SLC24A3: variants seen among roughly 807,000 people sequenced by gnomAD.
SLC24A3 encodes the protein sodium/potassium/calcium exchanger 3.
Under a neutral mutation model 75.8 loss-of-function variants are expected in SLC24A3, and 28 were observed. That is an observed-to-expected ratio of 0.37 (90% CI 0.27 to 0.51). SLC24A3 has a LOEUF of 0.51. SLC24A3 is among the 20% of genes least tolerant of loss of function. The pLI, the probability that SLC24A3 is intolerant of heterozygous loss-of-function variation, is 0.94. For missense variants in SLC24A3, 663 were observed against 847.8 expected (o/e 0.78, Z 2.71); for synonymous variants, 372 against 334.1 (o/e 1.11, Z -1.24).
At chr20:19,468,880 G>A (rs1258485622) in intron 2 of SLC24A3, among the ~76,000 whole-genome samples, 1 of 152,144 alleles carries the variant, frequency 6.6e-6, no homozygotes, top group African/African-American at 2.4e-5. Context: ...ATAGACAATG[G>A]GATCTTGTGG....
intron 2 of SLC24A3, among the ~76,000 whole-genome samples, chr20:19,505,600 T>C (rs546291231): frequency 4.7e-4 from 72 of 152,294 alleles, no homozygotes; most frequent in South Asian, 1.9e-3. Context: ...ATAGGCATGT[T>C]ACCACCGTGA....
chr20:19,652,447 G>T (rs961919396), intron 6 of SLC24A3, among the ~76,000 whole-genome samples: 1 of 152,206 alleles, frequency 6.6e-6, no homozygotes, highest in African/African-American at 2.4e-5. Flanking sequence ...AATGGTGAGT[G>T]ATGACCACAG....
chr20:19,446,098 C>T (rs1987378645), intron 2 of SLC24A3, among the ~76,000 whole-genome samples: 1 of 152,136 alleles, frequency 6.6e-6, no homozygotes, highest in African/African-American at 2.4e-5. Context: ...CTCATCTGCC[C>T]AGGACCCCAA....
intron 1 of SLC24A3, among the ~76,000 whole-genome samples, chr20:19,249,488 C>G (rs1982589272): frequency 6.6e-6 from 1 of 152,170 alleles, no homozygotes; most frequent in Non-Finnish European, 1.5e-5. Context: ...TGTCAACATC[C>G]CCACGGTCAG....
chr20:19,708,702 G>A lies in SLC24A3; in HGVS notation c.1720-8826G>A, dbSNP rs1351392024. On this transcript the variant is annotated intron_variant, in intron 15 of 16. Coordinates refer to ENST00000328041, the MANE Select transcript of SLC24A3 (RefSeq NM_020689.4). ...GGGTCTCCTACAAACTATCCCCACA[G>A]GACCTAGATAGGTAACTTGGGGATA... Among the ~76,000 whole-genome samples the A allele has an allele frequency of 3.3e-5, 5 of 152,190 alleles. No homozygotes were observed. In the East Asian group the frequency reaches 9.6e-4, roughly 29 times the overall value.
chr20:19,537,042 A>C (rs1176595294), intron 3 of SLC24A3, among the ~76,000 whole-genome samples: 1 of 152,220 alleles, frequency 6.6e-6, no homozygotes. Flanking sequence ...TAATTAAACT[A>C]AAGAGCTTCT....
At chr20:19,417,789 C>T (rs1480838671) in intron 2 of SLC24A3, among the ~76,000 whole-genome samples, 4 of 152,216 alleles carry the variant, frequency 2.6e-5, no homozygotes, top group East Asian at 1.9e-4. Flanking sequence ...AGGCATCAGC[C>T]GAGGTGAGGA....
intron 15 of SLC24A3, 131 bp from the exon 16 acceptor site, chr20:19,717,397 C>A: frequency 1.2e-6 from 1 of 830,646 alleles, no homozygotes; most frequent in South Asian, 1.7e-5. Flanking sequence ...GAAGCTGTTG[C>A]TTTTTCATTC....
chr20:19,289,753 A>G (rs1983896147), intron 2 of SLC24A3, among the ~76,000 whole-genome samples: 1 of 152,110 alleles, frequency 6.6e-6, no homozygotes, highest in Non-Finnish European at 1.5e-5. Context: ...CCCACTCCTC[A>G]ATCATTTCTG....
At chr20:19,365,667 C>T (rs182546432) in intron 2 of SLC24A3, among the ~76,000 whole-genome samples, 1 of 152,268 alleles carries the variant, frequency 6.6e-6, no homozygotes, top group Admixed American at 6.5e-5. Flanking sequence ...TTTGTTCACA[C>T]TTTACGTAAG....
chr20:19,281,136 A>T (rs779827115), intron 2 of SLC24A3, 49 bp downstream of exon 2: 1 of 1,601,706 alleles, frequency 6.2e-7, no homozygotes, highest in Non-Finnish European at 8.5e-7. Context: ...TTCTCTGGCT[A>T]TGGCTGAGGA....
At chr20:19,625,821 T>C (rs750222790) in intron 6 of SLC24A3, among the ~76,000 whole-genome samples, 6 of 152,154 alleles carry the variant, frequency 3.9e-5, no homozygotes, top group Non-Finnish European at 8.8e-5. Context: ...TCCCTAAATA[T>C]ATATATATCT....
At chr20:19,408,844 G>A (rs926766013) in intron 2 of SLC24A3, among the ~76,000 whole-genome samples, 3 of 152,142 alleles carry the variant, frequency 2.0e-5, no homozygotes, top group African/African-American at 7.2e-5. Context: ...ATATAATGTG[G>A]CAAATAATTT....
intron 3 of SLC24A3, among the ~76,000 whole-genome samples, chr20:19,544,486 T>C (rs2030555413): frequency 6.6e-6 from 1 of 152,158 alleles, no homozygotes; most frequent in Non-Finnish European, 1.5e-5. Flanking sequence ...ATTCTAGCGC[T>C]TGTGTACAGA....
chr20:19,453,573 G>C (rs561512019), intron 2 of SLC24A3, among the ~76,000 whole-genome samples: 1 of 152,340 alleles, frequency 6.6e-6, no homozygotes, highest in South Asian at 2.1e-4. Context: ...ACTTTCCAAA[G>C]ACACATGAGA....
At chr20:19,631,548 C>T (rs1220123289) in intron 6 of SLC24A3, among the ~76,000 whole-genome samples, 1 of 152,134 alleles carries the variant, frequency 6.6e-6, no homozygotes, top group Non-Finnish European at 1.5e-5. Flanking sequence ...GCATTTTCTA[C>T]ATCTACCCTA....
In SLC24A3 at chr20:19,693,015, C is replaced by T. The variant is rs138954299; in HGVS notation, c.1325-244C>T. The stretch of plus-strand genomic sequence containing the variant: ...GTATTACTAAGAAGTGATTCACCCT[C>T]TCATTTCGGAGACCTAATCAGCAGG... On this transcript the variant is annotated intron_variant, in intron 12 of 16. Coordinates refer to ENST00000328041, the MANE Select transcript of SLC24A3 (RefSeq NM_020689.4). Among the ~76,000 whole-genome samples, 1,056 of 152,222 alleles carry T rather than the reference C, an allele frequency of 6.9e-3. 18 individuals are homozygous for T. The highest frequency in any genetic ancestry group is 0.047 in the South Asian group (226 of 4,810).
chr20:19,259,521 C>G (rs1982918781), intron 1 of SLC24A3, among the ~76,000 whole-genome samples: 1 of 152,198 alleles, frequency 6.6e-6, no homozygotes, highest in African/African-American at 2.4e-5. Flanking sequence ...AGATTGGCGA[C>G]CAGGCAAGGT....
intron 2 of SLC24A3, among the ~76,000 whole-genome samples, chr20:19,385,094 T>C (rs1986250385): frequency 6.6e-6 from 1 of 152,212 alleles, no homozygotes; most frequent in African/African-American, 2.4e-5. Flanking sequence ...TTAGGTTGCC[T>C]CTTCACTCTG....
Sources: gnomAD v4.1 joint callset for allele counts (sites outside exome capture counted in the v4.1 genomes callset) on GRCh38, gnomAD v4.1.1 for gene constraint, MANE v1.5 for transcripts, NCBI Gene and HGNC (gene_info 2026-07-23, HGNC 2026-07-21) for gene names.